Variants in KCNH5 observed in about 807,000 individuals in gnomAD.
KCNH5 encodes voltage-gated delayed rectifier potassium channel KCNH5.
In KCNH5, 46 loss-of-function variants were observed where a neutral mutation model predicts 96.1. That is an observed-to-expected ratio of 0.48 (90% CI 0.38 to 0.61). The LOEUF is 0.61. Among genes scored for constraint, KCNH5 ranks in the 20% least tolerant of loss-of-function variants. KCNH5 has a pLI of 0.00. For synonymous variants in KCNH5, 439 were observed against 449.8 expected, an observed-to-expected ratio of 0.98 and a Z score of 0.30; for missense variants, 907 against 1,225.8, an observed-to-expected ratio of 0.74 and a Z score of 3.88.
intron 8 of KCNH5, among the ~76,000 whole-genome samples, chr14:62,848,127 T>C (rs1406504081): frequency 2.0e-5 from 3 of 152,230 alleles, no homozygotes; most frequent in African/African-American, 7.2e-5. Context: ...TTTTATTAGT[T>C]ACCATGTGGC....
rs556605250 is a variant in KCNH5, at chr14:62,933,245, A to G, written c.1369+16888T>C. ...ATAAATTTAAAAGAAGCAACATAAG[A>G]AACTAAGAAAAAAAATTGTGATAAT... On this transcript the variant is annotated intron_variant, in intron 7 of 10. Coordinates refer to ENST00000322893, the MANE Select transcript of KCNH5 (RefSeq NM_139318.5). 3.3e-5 allele frequency among the ~76,000 whole-genome samples: 5 copies of G among 152,258 alleles called. 1 individual carries two copies. The highest frequency in any genetic ancestry group is 1.2e-4 in the African/African-American group (5 of 41,568).
At chr14:62,762,314 G>A (rs143023492) in intron 10 of KCNH5, among the ~76,000 whole-genome samples, 8 of 152,164 alleles carry the variant, frequency 5.3e-5, no homozygotes, top group African/African-American at 9.6e-5. Context: ...CTAGCCTCCC[G>A]TGTGGTCCCT....
At chr14:62,928,869 C>T (rs770506580) in intron 7 of KCNH5, among the ~76,000 whole-genome samples, 1 of 152,010 alleles carries the variant, frequency 6.6e-6, no homozygotes, top group African/African-American at 2.4e-5. Context: ...GAGTTTAGTG[C>T]TTAGACCTCT....
At chr14:62,916,066 C>T (rs1420008587) in intron 7 of KCNH5, among the ~76,000 whole-genome samples, 1 of 151,144 alleles carries the variant, frequency 6.6e-6, no homozygotes, top group African/African-American at 2.4e-5. Flanking sequence ...CATTCTCCTG[C>T]CTCAGGCTCC....
chr14:62,948,144 A>G (rs1291683367), intron 7 of KCNH5, among the ~76,000 whole-genome samples: 1 of 152,170 alleles, frequency 6.6e-6, no homozygotes, highest in Non-Finnish European at 1.5e-5. Flanking sequence ...ATGTCCCTAC[A>G]AAGGACATGA....
intron 4 of KCNH5, among the ~76,000 whole-genome samples, chr14:62,987,983 A>C (rs532792637): frequency 2.0e-5 from 3 of 152,294 alleles, no homozygotes; most frequent in Non-Finnish European, 4.4e-5. Context: ...GTTATTAACA[A>C]CTGCAGTGAT....
chr14:62,733,478 T>A (rs1258538241), intron 10 of KCNH5, among the ~76,000 whole-genome samples: 1 of 152,146 alleles, frequency 6.6e-6, no homozygotes. Context: ...CCTCTAGAAC[T>A]GTGAGAAATA....
At chr14:62,912,764 T>C (rs1353735960) in intron 7 of KCNH5, among the ~76,000 whole-genome samples, 1 of 152,198 alleles carries the variant, frequency 6.6e-6, no homozygotes, top group Non-Finnish European at 1.5e-5. Context: ...AAATATGACA[T>C]AGTTAAATAT....
At chr14:62,982,826 T>A (rs1265405410) in intron 5 of KCNH5, among the ~76,000 whole-genome samples, 1 of 152,222 alleles carries the variant, frequency 6.6e-6, no homozygotes, top group South Asian at 2.1e-4. Flanking sequence ...AGAATACTTA[T>A]AAAGATATTT....
At chr14:62,741,946 C>T (rs957718249) in intron 10 of KCNH5, among the ~76,000 whole-genome samples, 1 of 152,046 alleles carries the variant, frequency 6.6e-6, no homozygotes, top group African/African-American at 2.4e-5. Context: ...CAAAGTAAAA[C>T]CCTGTGGTTT....
At chr14:62,811,884 T>C (rs887698465) in intron 8 of KCNH5, among the ~76,000 whole-genome samples, 1 of 152,176 alleles carries the variant, frequency 6.6e-6, no homozygotes. Context: ...GTTAGTTATG[T>C]GCCTGGTACT....
chr14:62,975,145 G>A (rs1044846275), intron 6 of KCNH5, among the ~76,000 whole-genome samples: 10 of 152,164 alleles, frequency 6.6e-5, no homozygotes, highest in South Asian at 2.1e-4. Flanking sequence ...CAAGGCACAA[G>A]ACTCCAGAAC....
At chr14:62,957,929 A>G (rs764005695) in intron 6 of KCNH5, among the ~76,000 whole-genome samples, 2 of 152,232 alleles carry the variant, frequency 1.3e-5, no homozygotes, top group Non-Finnish European at 2.9e-5. Flanking sequence ...TGAATAAATT[A>G]TGGTGGATAT....
At chr14:62,856,311 T>G (rs1887926543) in intron 7 of KCNH5, among the ~76,000 whole-genome samples, 1 of 152,172 alleles carries the variant, frequency 6.6e-6, no homozygotes, top group Non-Finnish European at 1.5e-5. Context: ...TCTTAGATAT[T>G]ATATTTTGTG....
chr14:62,710,773 G>C (rs1884550203), intron 10 of KCNH5, among the ~76,000 whole-genome samples: 1 of 152,160 alleles, frequency 6.6e-6, no homozygotes, highest in South Asian at 2.1e-4. Context: ...CACACAGGAA[G>C]GTCAGGTAAA....
chr14:62,710,571 G>A (rs1341398587), intron 10 of KCNH5, among the ~76,000 whole-genome samples: 1 of 152,140 alleles, frequency 6.6e-6, no homozygotes, highest in Non-Finnish European at 1.5e-5. Flanking sequence ...TCTATGGGTG[G>A]ACATGAGAGG....
intron 10 of KCNH5, among the ~76,000 whole-genome samples, chr14:62,755,555 G>A (rs978435409): frequency 6.6e-6 from 1 of 152,028 alleles, no homozygotes; most frequent in East Asian, 1.9e-4. Flanking sequence ...AGAGGCAGAA[G>A]GAATCCTTCC....
chr14:62,817,358 C>G (rs543751270), intron 8 of KCNH5, among the ~76,000 whole-genome samples: 1 of 145,350 alleles, frequency 6.9e-6, no homozygotes, highest in African/African-American at 2.5e-5. Context: ...AAAAAAGAAC[C>G]AAACAGGAAT....
At chr14:62,910,145 TACACACACACACAC>T (rs111386925) in intron 7 of KCNH5, among the ~76,000 whole-genome samples, 3 of 143,948 alleles carry the variant, frequency 2.1e-5, no homozygotes, top group Non-Finnish European at 3.1e-5. Context: ...ACTAACATGT[TACACACACACACAC>T]ACACACACAC....
Sources: gnomAD v4.1 joint callset for allele counts (sites outside exome capture counted in the v4.1 genomes callset) on GRCh38, gnomAD v4.1.1 for gene constraint, MANE v1.5 for transcripts, NCBI Gene and HGNC (gene_info 2026-07-23, HGNC 2026-07-21) for gene names.